Variants in KLHL5 observed in about 807,000 individuals in gnomAD.
The protein encoded by KLHL5 is kelch like family member 5, also known as kelch-like protein 5.
In KLHL5, 48 loss-of-function variants were observed where a neutral mutation model predicts 77.7. The ratio of observed to expected loss-of-function variants is 0.62; its 90% CI spans 0.49 to 0.79. The LOEUF (loss-of-function observed/expected upper bound fraction) is 0.79, where lower values mean the gene tolerates loss of function less well. Ranked by LOEUF, KLHL5 falls within the 30% of genes least tolerant of loss-of-function variation. The pLI is 0.00. For missense variants in KLHL5, 723 were observed against 859.7 expected, an observed-to-expected ratio of 0.84 and a Z score of 1.99; for synonymous variants, 260 against 297.0, an observed-to-expected ratio of 0.88 and a Z score of 1.28.
intron 8 of KLHL5, among the ~76,000 whole-genome samples, chr4:39,111,414 T>C (rs1196771333): frequency 6.6e-6 from 1 of 152,206 alleles, no homozygotes; most frequent in Non-Finnish European, 1.5e-5. Flanking sequence ...TCTTAATCAT[T>C]GTACTATGCC....
At chr4:39,107,811 A>G in intron 8 of KLHL5, 80 bp downstream of exon 8, 4 of 1,006,414 alleles carry the variant, frequency 4.0e-6, no homozygotes, top group Non-Finnish European at 5.7e-6. Flanking sequence ...TTAAAGATAT[A>G]CATAAATACT....
At chr4:39,053,562 C>G (rs1716807278) in intron 1 of KLHL5, among the ~76,000 whole-genome samples, 1 of 152,056 alleles carries the variant, frequency 6.6e-6, no homozygotes, top group Non-Finnish European at 1.5e-5. Context: ...GGTTTTCCAT[C>G]ATTTTTTTAA....
chr4:39,046,842 G>A (rs1420554650), intron 1 of KLHL5, among the ~76,000 whole-genome samples: 1 of 152,132 alleles, frequency 6.6e-6, no homozygotes, highest in South Asian at 2.1e-4. Context: ...TTTTCTGAAG[G>A]AGTGGAGTCA....
chr4:39,085,780 T>A (rs181963657), intron 4 of KLHL5, among the ~76,000 whole-genome samples: 1 of 152,280 alleles, frequency 6.6e-6, no homozygotes, highest in East Asian at 1.9e-4. Flanking sequence ...CTACTTTTTT[T>A]TCCACCTTTG....
At chr4:39,101,128 A>ATACATATATATATATC (rs1173859624) in intron 6 of KLHL5, among the ~76,000 whole-genome samples, 1 of 146,298 alleles carries the variant, frequency 6.8e-6, no homozygotes, top group Non-Finnish European at 1.5e-5. Flanking sequence ...TTTGGATTTT[A>ATACATATATATATATC]TATATATATA....
chr4:39,062,699 T>A lies in KLHL5; in HGVS notation c.47T>A (p.Ile16Asn). 6.2e-7 allele frequency: 1 copy of A among 1,614,078 alleles called. No individual in the cohort carries two copies. Among genetic ancestry groups the A allele is most frequent in the Non-Finnish European group, 8.5e-7 (1 of 1,179,998 alleles). Residue 16 changes from isoleucine (I) to asparagine (N), a missense_variant, in exon 1 of 11, where the codon ATC becomes AAC. Transcript: ENST00000504108. ...KEFDVKQILK[I>N]RWRWFGHQAS... Reference sequence around the variant, plus strand: ...TTTGATGTGAAACAGATTTTGAAAATCAGATGGAGGTGGTTTGGTCATCAA... The same window carrying A: ...TTTGATGTGAAACAGATTTTGAAAAACAGATGGAGGTGGTTTGGTCATCAA...
chr4:39,081,389 A>C lies in KLHL5; in HGVS notation c.703+150A>C, dbSNP rs1719604531. 1 of 549,012 alleles carries C rather than the reference A, an allele frequency of 1.8e-6. No homozygotes were observed. Among genetic ancestry groups the C allele is most frequent in the African/African-American group, 2.0e-5 (1 of 51,104 alleles). 34.0% of individuals were successfully genotyped at this position (549,012 alleles called of 1,614,324 possible). On this transcript the variant is annotated intron_variant, in intron 3 of 10. Coordinates refer to ENST00000504108, the MANE Select transcript of KLHL5 (RefSeq NM_015990.5). This position sits in a 1 kb window ranked among gnomAD's most constrained non-coding sequence, Gnocchi z 4.3. ...TTTGTATTTAACCTGGTGATGAATT[A>C]AAATTTCCATACTAAAACCTTTAAA...
At chr4:39,049,670 A>G (rs914908264) in intron 1 of KLHL5, among the ~76,000 whole-genome samples, 8 of 151,328 alleles carry the variant, frequency 5.3e-5, no homozygotes, top group Non-Finnish European at 8.8e-5. Context: ...CTGCCCTCCA[A>G]CCTACGGGAC....
At chr4:39,110,256 A>T (rs963418322) in intron 8 of KLHL5, among the ~76,000 whole-genome samples, 1 of 152,206 alleles carries the variant, frequency 6.6e-6, no homozygotes, top group Admixed American at 6.5e-5. Flanking sequence ...TAAAGAACAC[A>T]GCTTATTTCT....
chr4:39,114,665 C>T (rs1432144347), intron 9 of KLHL5, among the ~76,000 whole-genome samples: 1 of 152,186 alleles, frequency 6.6e-6, no homozygotes, highest in Non-Finnish European at 1.5e-5. Flanking sequence ...GAATTATGGG[C>T]TTGCTGTTGT....
upstream of KLHL5, among the ~76,000 whole-genome samples, chr4:39,060,029 C>T (rs926978011): frequency 6.6e-6 from 1 of 152,098 alleles, no homozygotes; most frequent in African/African-American, 2.4e-5. Context: ...ACCCAAAAAC[C>T]TGAAATCAAC....
intron 4 of KLHL5, among the ~76,000 whole-genome samples, chr4:39,084,868 G>A (rs1460574131): frequency 1.3e-5 from 2 of 152,030 alleles, no homozygotes; most frequent in Non-Finnish European, 2.9e-5. Context: ...ACCTTTCCAT[G>A]TACCTACGTG....
intron 5 of KLHL5, 81 bp from the exon 6 acceptor site, chr4:39,096,611 T>C: frequency 1.0e-6 from 1 of 954,680 alleles, no homozygotes; most frequent in Non-Finnish European, 1.6e-6. Context: ...GTAAAATCCA[T>C]TTGAGAACTA....
chr4:39,136,475 C>T, the KLHL5 span, among the ~76,000 whole-genome samples: 24 of 152,242 alleles, frequency 1.6e-4, no homozygotes, highest in Non-Finnish European at 3.2e-4. Context: ...CTTAATAATT[C>T]AGGCCTAAAG....
chr4:39,046,514 C>T (rs1171224817), intron 1 of KLHL5, among the ~76,000 whole-genome samples: 1 of 152,124 alleles, frequency 6.6e-6, no homozygotes, highest in African/African-American at 2.4e-5. Context: ...TTTGGGAGGC[C>T]GTGGCGAGCG....
At chr4:39,126,462 G>A (rs7669548), downstream of KLHL5, among the ~76,000 whole-genome samples, 2,862 of 152,182 alleles carry the variant, frequency 0.019, 78 homozygotes, top group African/African-American at 0.064. Flanking sequence ...CAAGCCTCTT[G>A]AAGAAATGCC....
chr4:39,065,355 ATTT>A (rs35238432), intron 1 of KLHL5, among the ~76,000 whole-genome samples: 10 of 126,570 alleles, frequency 7.9e-5, no homozygotes, highest in South Asian at 2.6e-4. Context: ...ACATTCATCA[ATTT>A]TTTTTTTTTT....
At chr4:39,129,110 A>G (rs575875245), downstream of KLHL5, among the ~76,000 whole-genome samples, 114 of 151,302 alleles carry the variant, frequency 7.5e-4, no homozygotes, top group African/African-American at 2.6e-3. The surrounding 1 kb of genome is among the most constrained non-coding windows in gnomAD (Gnocchi z 4.2). Context: ...GCTGAAATAC[A>G]TTAACTAAGC....
intron 8 of KLHL5, among the ~76,000 whole-genome samples, chr4:39,109,281 C>G (rs1020877206): frequency 2.6e-5 from 4 of 151,906 alleles, no homozygotes; most frequent in Non-Finnish European, 4.4e-5. Flanking sequence ...GTTTTTGTTA[C>G]TTTAACTTAT....
Sources: allele counts gnomAD v4.1 joint callset (sites outside exome capture counted in the v4.1 genomes callset), GRCh38; gene constraint gnomAD v4.1.1; non-coding constraint Gnocchi (gnomAD v3.1); transcripts MANE v1.5; gene names NCBI Gene and HGNC (gene_info 2026-07-23, HGNC 2026-07-21).